SORCS1: variants seen among roughly 807,000 people sequenced by gnomAD.
SORCS1 encodes the protein VPS10 domain-containing receptor SorCS1.
SORCS1 carries 60 observed loss-of-function variants against 146.1 expected under a neutral mutation model. That is an observed-to-expected ratio of 0.41 (90% CI 0.33 to 0.51). The LOEUF (loss-of-function observed/expected upper bound fraction) is 0.51, where lower values mean the gene tolerates loss of function less well. Among genes scored for constraint, SORCS1 ranks in the 20% least tolerant of loss-of-function variants. The pLI is 0.21. For synonymous variants in SORCS1, 637 were observed against 584.0 expected (o/e 1.09, Z -1.31); for missense variants, 1,352 against 1,487.6 (o/e 0.91, Z 1.50).
chr10:107,123,089 A>G (rs1409161308), intron 1 of SORCS1, among the ~76,000 whole-genome samples: 1 of 151,910 alleles, frequency 6.6e-6, no homozygotes, highest in East Asian at 1.9e-4. Flanking sequence ...AAAAAAAAAA[A>G]AAAAAAGGAA....
At chr10:107,051,819 G>C (rs948184163) in intron 1 of SORCS1, among the ~76,000 whole-genome samples, 1 of 152,134 alleles carries the variant, frequency 6.6e-6, no homozygotes, top group East Asian at 1.9e-4. Context: ...ATTCATGAAA[G>C]GGCTGGTACT....
chr10:106,968,579 C>G (rs768618912), intron 1 of SORCS1, among the ~76,000 whole-genome samples: 9 of 152,070 alleles, frequency 5.9e-5, no homozygotes, highest in Non-Finnish European at 1.0e-4. Context: ...GCTGTTTATT[C>G]ACAGGTCTGA....
At chr10:106,731,085 G>A (rs185710841) in intron 5 of SORCS1, among the ~76,000 whole-genome samples, 1 of 151,754 alleles carries the variant, frequency 6.6e-6, no homozygotes, top group African/African-American at 2.4e-5. Flanking sequence ...TGAGGTGGGC[G>A]GATCACAAGG....
chr10:106,672,527 C>A (rs1262259784), intron 15 of SORCS1, among the ~76,000 whole-genome samples: 2 of 152,146 alleles, frequency 1.3e-5, no homozygotes, highest in African/African-American at 2.4e-5. Flanking sequence ...TTGAAGATAT[C>A]TTCCTCATCC....
chr10:106,882,080 C>A (rs1263140277), intron 2 of SORCS1, among the ~76,000 whole-genome samples: 1 of 152,186 alleles, frequency 6.6e-6, no homozygotes, highest in Admixed American at 6.5e-5. Context: ...TCATTCCCAG[C>A]TTCACCCAAG....
intron 1 of SORCS1, among the ~76,000 whole-genome samples, chr10:106,989,680 G>GTTTTTTTTTTT (rs761689988): frequency 1.4e-3 from 98 of 70,344 alleles, no homozygotes; most frequent in African/African-American, 3.6e-3. Flanking sequence ...GTTTTTTTTT[G>GTTTTTTTTTTT]TTTTTTTTTT....
chr10:106,926,852 CACACACACACACACAG>C (rs1409500407), intron 2 of SORCS1, among the ~76,000 whole-genome samples: 3,283 of 116,242 alleles, frequency 0.028, 101 homozygotes, highest in African/African-American at 0.12. Flanking sequence ...CACACACACA[CACACACACACACACAG>C]AGAGAGAGAG....
At chr10:106,623,368 G>A (rs1589500336) in intron 19 of SORCS1, among the ~76,000 whole-genome samples, 1 of 150,746 alleles carries the variant, frequency 6.6e-6, no homozygotes, top group East Asian at 2.0e-4. Flanking sequence ...TCAGTCTCCC[G>A]AGTAGCTAGC....
At chr10:106,761,061 C>T (rs901527353) in intron 5 of SORCS1, among the ~76,000 whole-genome samples, 3 of 151,840 alleles carry the variant, frequency 2.0e-5, no homozygotes, top group African/African-American at 4.8e-5. Flanking sequence ...GAGCTCAGAC[C>T]GCACCACTGC....
intron 1 of SORCS1, among the ~76,000 whole-genome samples, chr10:107,097,081 CT>C (rs1298810393): frequency 1.3e-5 from 2 of 152,194 alleles, no homozygotes; most frequent in Non-Finnish European, 2.9e-5. Flanking sequence ...CACGCATTCA[CT>C]TTTACCATGT....
chr10:107,129,286 T>C (rs535519089), intron 1 of SORCS1, among the ~76,000 whole-genome samples: 1 of 152,354 alleles, frequency 6.6e-6, no homozygotes, highest in Admixed American at 6.5e-5. Flanking sequence ...TGACTACCTT[T>C]GTTCAAAAAT....
At chr10:107,128,464 A>T (rs1590199321) in intron 1 of SORCS1, among the ~76,000 whole-genome samples, 1 of 152,312 alleles carries the variant, frequency 6.6e-6, no homozygotes, top group South Asian at 2.1e-4. Context: ...TAAGTGTTTG[A>T]TCCCATCACT....
At chr10:107,154,812 A>G (rs896612010) in intron 1 of SORCS1, among the ~76,000 whole-genome samples, 2 of 152,244 alleles carry the variant, frequency 1.3e-5, no homozygotes, top group African/African-American at 4.8e-5. Context: ...AGTATATGCC[A>G]GATGTTCCGT....
chr10:106,922,503 A>G (rs2138426548), intron 2 of SORCS1, among the ~76,000 whole-genome samples: 1 of 152,334 alleles, frequency 6.6e-6, no homozygotes, highest in Non-Finnish European at 1.5e-5. Context: ...CCAGTCAAAG[A>G]CATTTTGGGG....
intron 1 of SORCS1, among the ~76,000 whole-genome samples, chr10:107,004,302 T>G (rs567309124): frequency 7.9e-5 from 12 of 152,224 alleles, no homozygotes; most frequent in Admixed American, 5.2e-4. Flanking sequence ...CTTTGGTAAT[T>G]CCTGTATTAG....
intron 1 of SORCS1, among the ~76,000 whole-genome samples, 173 bp downstream of exon 1, chr10:107,163,796 G>C (rs1451584184): frequency 1.3e-5 from 2 of 152,192 alleles, no homozygotes; most frequent in African/African-American, 4.8e-5. Context: ...GAGATGGGGA[G>C]GTTGGTCTCC....
At position 106,573,865 on chromosome 10, in the gene SORCS1, A is replaced by G. The variant is rs1399116921; in HGVS notation, c.*3555T>C. The G allele has an allele frequency of 1.3e-5, 2 of 152,440 alleles. No homozygotes were observed. The highest frequency in any genetic ancestry group is 4.8e-5 in the African/African-American group (2 of 41,390). The allele number at this position is 152,440 out of a possible 1,614,324, so 9.4% of individuals were successfully genotyped here. ...ACTTCTATATTTAGAATGAACACCA[A>G]GGGTTTAGGATTAAAAAAAAAAATA... On this transcript the variant is annotated 3_prime_UTR_variant, in exon 26 of 26. Transcript: ENST00000263054.
intron 1 of SORCS1, among the ~76,000 whole-genome samples, chr10:106,989,371 G>A (rs7920538): frequency 0.42 from 62,790 of 150,306 alleles, 15,937 homozygotes; most frequent in African/African-American, 0.72. Context: ...GATTCTGCCA[G>A]GTCCACTAAC....
intron 8 of SORCS1, among the ~76,000 whole-genome samples, chr10:106,701,526 T>C (rs115114825): frequency 1.6e-3 from 243 of 152,198 alleles, no homozygotes; most frequent in African/African-American, 5.4e-3. Flanking sequence ...AAAAGAAAAC[T>C]CCAGATCTGC....
Sources: gnomAD v4.1 joint callset for allele counts (sites outside exome capture counted in the v4.1 genomes callset) on GRCh38, gnomAD v4.1.1 for gene constraint, MANE v1.5 for transcripts, NCBI Gene and HGNC (gene_info 2026-07-23, HGNC 2026-07-21) for gene names.